CNN3: variants seen among roughly 807,000 people sequenced by gnomAD.
CNN3 encodes the protein calponin-3.
CNN3 carries 11 observed loss-of-function variants against 39.0 expected under a neutral mutation model. The ratio of observed to expected loss-of-function variants is 0.28; its 90% CI spans 0.18 to 0.47. The LOEUF (loss-of-function observed/expected upper bound fraction) is 0.47, where lower values mean the gene tolerates loss of function less well. Among genes scored for constraint, CNN3 ranks in the 20% least tolerant of loss-of-function variants. The pLI, the probability that CNN3 is intolerant of heterozygous loss-of-function variation, is 0.99. For synonymous variants in CNN3, 101 were observed against 138.3 expected (o/e 0.73, Z 1.89); for missense variants, 266 against 403.4 (o/e 0.66, Z 2.92).
intron 1 of CNN3, among the ~76,000 whole-genome samples, chr1:94,909,937 C>T (rs937542520): frequency 2.2e-4 from 34 of 152,032 alleles, no homozygotes; most frequent in African/African-American, 8.0e-4. Context: ...GTCTGATGCC[C>T]CCATTACACC....
chr1:94,900,402 T>C (rs1384582287), intron 5 of CNN3, among the ~76,000 whole-genome samples: 1 of 152,232 alleles, frequency 6.6e-6, no homozygotes, highest in Non-Finnish European at 1.5e-5. Context: ...GATGCACATA[T>C]ATACAAATAC....
chr1:94,923,347 C>G (rs147124081), intron 1 of CNN3, among the ~76,000 whole-genome samples: 3 of 152,134 alleles, frequency 2.0e-5, no homozygotes, highest in Non-Finnish European at 4.4e-5. Context: ...CATCCTCCAC[C>G]GAACCATCCC....
intron 1 of CNN3, among the ~76,000 whole-genome samples, chr1:94,908,738 G>A (rs568180289): frequency 7.9e-5 from 12 of 152,036 alleles, no homozygotes; most frequent in East Asian, 5.8e-4. Flanking sequence ...ATGGGGTTTC[G>A]CCATGTTGGT....
chr1:94,918,501 AT>A (rs376575801), intron 1 of CNN3, among the ~76,000 whole-genome samples: 64,539 of 91,608 alleles, frequency 0.7, 21,116 homozygotes, highest in Non-Finnish European at 0.74. Flanking sequence ...CCCAAAAAAA[AT>A]AAAATAAAAA....
At chr1:94,901,402 T>TTA (rs1670864008) in intron 5 of CNN3, among the ~76,000 whole-genome samples, 1 of 148,756 alleles carries the variant, frequency 6.7e-6, no homozygotes, top group African/African-American at 2.5e-5. Flanking sequence ...TTTTCTTTTT[T>TTA]AAAAAAAAAA....
chr1:94,925,524 T>C (rs149722435), intron 1 of CNN3: 160 of 833,358 alleles, frequency 1.9e-4, no homozygotes, highest in Non-Finnish European at 2.2e-4. Context: ...TTTAGATACA[T>C]AGACTAAAAT....
chr1:94,910,453 A>G (rs1021225362), intron 1 of CNN3, among the ~76,000 whole-genome samples: 1 of 143,618 alleles, frequency 7.0e-6, no homozygotes, highest in African/African-American at 2.5e-5. Flanking sequence ...ATAGGAACCA[A>G]ATAGATTTCC....
At chr1:94,921,611 G>GA (rs57882580) in intron 1 of CNN3, among the ~76,000 whole-genome samples, 5,560 of 134,606 alleles carry the variant, frequency 0.041, 182 homozygotes, top group African/African-American at 0.084. Context: ...AGGCACTGGG[G>GA]AAAAAAAAAG....
intron 1 of CNN3, among the ~76,000 whole-genome samples, chr1:94,908,117 G>A (rs921464184): frequency 3.9e-5 from 6 of 152,252 alleles, no homozygotes; most frequent in Admixed American, 2.0e-4. Flanking sequence ...TCCAGAGACC[G>A]AGGAGAATAC....
intron 6 of CNN3, 40 bp from the exon 7 acceptor site, chr1:94,898,123 A>G (rs755716739): frequency 4.6e-6 from 7 of 1,528,874 alleles, no homozygotes; most frequent in South Asian, 3.5e-5. Flanking sequence ...AACAGCAGCT[A>G]GAATCTATTC....
intron 1 of CNN3, among the ~76,000 whole-genome samples, chr1:94,916,341 G>C (rs1671278901): frequency 6.6e-6 from 1 of 152,136 alleles, no homozygotes; most frequent in African/African-American, 2.4e-5. Flanking sequence ...AGGAGGTCAA[G>C]GCTGCAGTGA....
intron 1 of CNN3, among the ~76,000 whole-genome samples, chr1:94,925,035 C>CCTGT (rs1219746102): frequency 1.1e-4 from 16 of 152,142 alleles, no homozygotes; most frequent in African/African-American, 3.6e-4. Flanking sequence ...AGTGATCTAG[C>CCTGT]CTGTGTATGC....
intron 1 of CNN3, 44 bp from the exon 2 acceptor site, chr1:94,903,568 A>G (rs1159487912): frequency 3.1e-6 from 5 of 1,611,684 alleles, no homozygotes; most frequent in Non-Finnish European, 4.2e-6. Context: ...TCACAAAAGC[A>G]TCAGAAACTG....
intron 1 of CNN3, among the ~76,000 whole-genome samples, chr1:94,907,854 C>T (rs191679826): frequency 0.013 from 1,936 of 152,224 alleles, 18 homozygotes; most frequent in Admixed American, 0.021. Flanking sequence ...AGCAAGACTC[C>T]GTCTCAAAAA....
chr1:94,898,082 G>A lies in CNN3; in HGVS notation c.650C>T (p.Ala217Val), dbSNP rs1670770465. Residue 217 changes from alanine to valine, a missense_variant and splice_region_variant, in exon 7 of 7, where the codon GCA becomes GTA. Coordinates refer to ENST00000370206, the MANE Select transcript of CNN3 (RefSeq NM_001839.5). ...QMGTNKGASQ[A>V]GMLAPGTRRD... ...TCTGGTACCTGGTGCTAACATCCCT[G>A]CCTGGTATTAGAACATAGTATAAAA... 6.2e-7 allele frequency: 1 copy of A among 1,612,936 alleles called. No individual in the cohort carries two copies. The highest frequency in any genetic ancestry group is 1.7e-4 in the Middle Eastern group (1 of 5,826).
rs904437757 is a variant in CNN3 at position 94,908,795 on chromosome 1, C to T, written c.58-5271G>A. Among the ~76,000 whole-genome samples, 19 of 152,140 alleles carry T rather than the reference C, an allele frequency of 1.2e-4. 1 individual carries two copies. Among genetic ancestry groups the T allele is most frequent in the African/African-American group, 4.6e-4 (19 of 41,510 alleles). On this transcript the variant is annotated intron_variant, in intron 1 of 6. Coordinates refer to ENST00000370206, the MANE Select transcript of CNN3 (RefSeq NM_001839.5). The stretch of plus-strand genomic sequence containing the variant: ...ACTTCAGGTGATCCGCCCACCTCAG[C>T]CTCCCAAAGTGCTGGGATTACGCCC...
chr1:94,911,412 T>C (rs955571519), intron 1 of CNN3, among the ~76,000 whole-genome samples: 1 of 152,218 alleles, frequency 6.6e-6, no homozygotes, highest in Non-Finnish European at 1.5e-5. Context: ...CCCCTCCAAA[T>C]GTCTATAATC....
intron 1 of CNN3, among the ~76,000 whole-genome samples, chr1:94,905,349 T>C (rs1670969072): frequency 6.6e-6 from 1 of 152,200 alleles, no homozygotes; most frequent in Non-Finnish European, 1.5e-5. Context: ...AATGTCTACA[T>C]TCCAGGTCCC....
At chr1:94,916,020 C>G (rs1186757999) in intron 1 of CNN3, among the ~76,000 whole-genome samples, 2 of 152,162 alleles carry the variant, frequency 1.3e-5, no homozygotes, top group African/African-American at 2.4e-5. Flanking sequence ...TTTACTTGGT[C>G]CATCAATGGG....
Sources: allele counts gnomAD v4.1 joint callset (sites outside exome capture counted in the v4.1 genomes callset), GRCh38; gene constraint gnomAD v4.1.1; transcripts MANE v1.5; gene names NCBI Gene and HGNC (gene_info 2026-07-23, HGNC 2026-07-21).